SOX5: variants seen among roughly 807,000 people sequenced by gnomAD.
The protein encoded by SOX5 is SRY-box transcription factor 5.
SOX5 carries 9 observed loss-of-function variants against 92.0 expected under a neutral mutation model. The observed-to-expected ratio is 0.10, with a 90% confidence interval of 0.06 to 0.17. The LOEUF (loss-of-function observed/expected upper bound fraction) is 0.17. Among genes scored for constraint, SOX5 ranks in the 10% least tolerant of loss-of-function variants. SOX5 has a pLI of 1.00. For synonymous variants in SOX5, 344 were observed against 336.3 expected (o/e 1.02, Z -0.25); for missense variants, 642 against 944.5 (o/e 0.68, Z 4.20).
chr12:24,211,361 C>A (rs566830724), intron 4 of SOX5, among the ~76,000 whole-genome samples: 1 of 152,138 alleles, frequency 6.6e-6, no homozygotes, highest in African/African-American at 2.4e-5. Flanking sequence ...TGTTTTCTTC[C>A]ATAGGAATGA....
chr12:23,653,019 A>ATGG (rs1566729763), intron 7 of SOX5, among the ~76,000 whole-genome samples: 9 of 96,238 alleles, frequency 9.4e-5, no homozygotes, highest in Non-Finnish European at 2.0e-4. Flanking sequence ...TGGATGGATG[A>ATGG]ATGTACAGAT....
chr12:24,335,269 C>CA (rs35618930), intron 2 of SOX5, among the ~76,000 whole-genome samples: 103,432 of 151,870 alleles, frequency 0.68, 35,440 homozygotes, highest in Middle Eastern at 0.71. Flanking sequence ...CAGAGGGGCC[C>CA]AAAAAAACAG....
In SOX5 at chr12:23,531,625, G is replaced by GT. The variant is rs1455382364; in HGVS notation, c.*2593dup. 1.3e-5 allele frequency: 2 copies of GT among 152,118 alleles called. No homozygotes were observed. The highest frequency in any genetic ancestry group is 2.9e-5 in the Non-Finnish European group (2 of 67,992). 9.4% of individuals were successfully genotyped at this position (152,118 alleles called of 1,614,324 possible). Reference sequence around the variant, plus strand: ...TTTTTTAAAAATCTGTTTTCACATTGTACATAAAAATGATATAAAAACAAG... The same window carrying GT: ...TTTTTTAAAAATCTGTTTTCACATTGTTACATAAAAATGATATAAAAACAAG... On this transcript the variant is annotated 3_prime_UTR_variant, in exon 15 of 15. Transcript: ENST00000451604.
At chr12:23,862,258 G>T (rs1287116971) in intron 2 of SOX5, among the ~76,000 whole-genome samples, 4 of 152,134 alleles carry the variant, frequency 2.6e-5, no homozygotes, top group African/African-American at 9.7e-5. Flanking sequence ...GAAGGGAAAA[G>T]CTGTCAAAAA....
chr12:24,150,816 T>TTTG (rs1951578735), intron 4 of SOX5, among the ~76,000 whole-genome samples: 3 of 151,962 alleles, frequency 2.0e-5, no homozygotes, highest in Admixed American at 2.0e-4. Context: ...TGAAAAGATC[T>TTTG]GGGGTCTTGG....
intron 4 of SOX5, among the ~76,000 whole-genome samples, chr12:24,026,344 T>TA (rs1314451290): frequency 1.3e-5 from 2 of 152,140 alleles, no homozygotes; most frequent in African/African-American, 4.8e-5. Context: ...CCAAGAACTT[T>TA]TTAAAAAAAT....
chr12:23,542,089 G>A (rs187755173), intron 13 of SOX5, among the ~76,000 whole-genome samples: 4 of 152,268 alleles, frequency 2.6e-5, no homozygotes, highest in Admixed American at 6.5e-5. Context: ...CAGCCTGGGC[G>A]GTAAAGCGAG....
At position 23,949,643 on chromosome 12, in the gene SOX5, T is replaced by C. The variant is rs1205544006; in HGVS notation, c.-42A>G. On this transcript the variant is annotated 5_prime_UTR_variant, in exon 1 of 15. Coordinates refer to ENST00000451604, the MANE Select transcript of SOX5 (RefSeq NM_006940.6). The stretch of plus-strand genomic sequence containing the variant: ...TTCCCTTTGTCACAGCAGCCACCTA[T>C]GATCGTCTCCAACTGAACCTGTCAA... 2 of 1,613,880 alleles carry C rather than the reference T, an allele frequency of 1.2e-6. No individual in the cohort carries two copies. Among genetic ancestry groups the C allele is most frequent in the Non-Finnish European group, 1.7e-6 (2 of 1,179,846 alleles).
chr12:23,802,749 T>C (rs139061807), intron 3 of SOX5, among the ~76,000 whole-genome samples: 1 of 152,320 alleles, frequency 6.6e-6, no homozygotes, highest in Non-Finnish European at 1.5e-5. Context: ...TCCATGGGTT[T>C]ATATGTCATA....
chr12:24,331,060 T>C lies in SOX5; in HGVS notation c.-174+37503A>G, dbSNP rs1951252018. On this transcript the variant is annotated intron_variant, in intron 2 of 4. Coordinates refer to the SOX5 transcript ENST00000446891. ...CTAGGTACCAAAAAGGAAAAGTAAGTAGTGGGACAGAAAACAGGGGTACTC... is the reference window on the plus strand; with the variant it reads ...CTAGGTACCAAAAAGGAAAAGTAAGCAGTGGGACAGAAAACAGGGGTACTC... Among the ~76,000 whole-genome samples, 3 of 152,184 alleles carry C rather than the reference T, an allele frequency of 2.0e-5. No homozygotes were observed. The East Asian group carries it at 5.8e-4, about 29-fold the overall frequency.
intron 3 of SOX5, among the ~76,000 whole-genome samples, chr12:23,804,889 A>AT (rs112646449): frequency 0.084 from 10,528 of 124,978 alleles, 632 homozygotes; most frequent in East Asian, 0.16. Flanking sequence ...GATATTTAAC[A>AT]TTTTCTCTAT....
intron 6 of SOX5, among the ~76,000 whole-genome samples, chr12:23,693,605 G>C (rs191548643): frequency 6.6e-5 from 10 of 151,970 alleles, no homozygotes; most frequent in African/African-American, 2.2e-4. Context: ...TGAAGTTTTG[G>C]AGTTGCTGTG....
intron 1 of SOX5, among the ~76,000 whole-genome samples, chr12:23,919,561 A>G (rs1372004376): frequency 6.6e-6 from 1 of 152,150 alleles, no homozygotes; most frequent in African/African-American, 2.4e-5. Context: ...CTGGCTATCT[A>G]CTTATTTACC....
chr12:24,552,836 C>T (rs1350518824), intron 1 of SOX5, among the ~76,000 whole-genome samples: 1 of 152,162 alleles, frequency 6.6e-6, no homozygotes, highest in Non-Finnish European at 1.5e-5. Flanking sequence ...CCCACCTCTA[C>T]ACAAAATTTA....
At chr12:24,071,175 T>C (rs1479175394) in intron 4 of SOX5, among the ~76,000 whole-genome samples, 2 of 152,242 alleles carry the variant, frequency 1.3e-5, no homozygotes, top group African/African-American at 4.8e-5. Context: ...GCTATATTTA[T>C]ACCATGTAGA....
chr12:24,156,125 C>T (rs778620950), intron 4 of SOX5, among the ~76,000 whole-genome samples: 1 of 152,062 alleles, frequency 6.6e-6, no homozygotes, highest in African/African-American at 2.4e-5. Context: ...GAACATGGAG[C>T]GGGAAGTGCC....
At chr12:23,850,855 A>G (rs1411532807) in intron 2 of SOX5, among the ~76,000 whole-genome samples, 3 of 152,070 alleles carry the variant, frequency 2.0e-5, no homozygotes, top group Admixed American at 1.3e-4. Context: ...ACAGACACAC[A>G]CTCATACAAT....
intron 4 of SOX5, among the ~76,000 whole-genome samples, chr12:24,022,340 A>G (rs1321533286): frequency 6.6e-6 from 1 of 152,128 alleles, no homozygotes; most frequent in Non-Finnish European, 1.5e-5. Context: ...ATTAGTCTGA[A>G]AGGGACATGA....
chr12:23,940,779 C>T (rs1218920604), intron 1 of SOX5, among the ~76,000 whole-genome samples: 2 of 147,670 alleles, frequency 1.4e-5, no homozygotes, highest in East Asian at 3.9e-4. Flanking sequence ...CACACACACA[C>T]ACACAAACTC....
Sources: gnomAD v4.1 joint callset for allele counts (sites outside exome capture counted in the v4.1 genomes callset) on GRCh38, gnomAD v4.1.1 for gene constraint, MANE v1.5 for transcripts, NCBI Gene and HGNC (gene_info 2026-07-23, HGNC 2026-07-21) for gene names.